The following PHACTR1 variants were observed in gnomAD, a reference collection of about 807,000 sequenced individuals.
PHACTR1 encodes the protein RPEL repeat containing 1.
Under a neutral mutation model 69.2 loss-of-function variants are expected in PHACTR1, and 16 were observed. That is an observed-to-expected ratio of 0.23 (90% CI 0.16 to 0.35). PHACTR1 has a LOEUF of 0.35. Ranked by LOEUF, PHACTR1 falls within the 10% of genes least tolerant of loss-of-function variation. The pLI is 1.00. For missense variants in PHACTR1, 510 were observed against 734.7 expected (o/e 0.69, Z 3.54); for synonymous variants, 312 against 284.5 (o/e 1.10, Z -0.97).
intron 5 of PHACTR1, among the ~76,000 whole-genome samples, chr6:13,154,735 C>T (rs570920959): frequency 1.3e-5 from 2 of 151,896 alleles, no homozygotes; most frequent in African/African-American, 4.8e-5. Flanking sequence ...TTTATCTTAT[C>T]CCTGCCATCC....
chr6:13,132,495 C>T lies in PHACTR1; in HGVS notation c.416-27709C>T, dbSNP rs77067730. Among the ~76,000 whole-genome samples the T allele has an allele frequency of 7.0e-3, 1,061 of 152,224 alleles. 5 individuals carry two copies. The highest frequency in any genetic ancestry group is 0.024 in the African/African-American group (989 of 41,530). On this transcript the variant is annotated intron_variant, in intron 5 of 14. Coordinates refer to ENST00000332995, the MANE Select transcript of PHACTR1 (RefSeq NM_030948.6). The stretch of plus-strand genomic sequence containing the variant: ...CAGATGCTTACTAAGTGTCTATTCA[C>T]GATGTCATGGTTTGTGACATAGTGA...
intron 4 of PHACTR1, among the ~76,000 whole-genome samples, chr6:12,985,427 C>T (rs983697585): frequency 6.6e-6 from 1 of 151,202 alleles, no homozygotes; most frequent in Non-Finnish European, 1.5e-5. Context: ...ATTTTCTTCC[C>T]GATGAAAAAC....
intron 10 of PHACTR1, among the ~76,000 whole-genome samples, chr6:13,257,587 G>C (rs1264116861): frequency 6.6e-6 from 1 of 152,176 alleles, no homozygotes; most frequent in African/African-American, 2.4e-5. Flanking sequence ...ACTCCTCTGG[G>C]ATCTTCTTAC....
chr6:13,148,592 C>G (rs761203990), intron 5 of PHACTR1, among the ~76,000 whole-genome samples: 1 of 151,872 alleles, frequency 6.6e-6, no homozygotes, highest in Non-Finnish European at 1.5e-5. Flanking sequence ...TTCACATATA[C>G]CTACTCAGTT....
At position 13,075,789 on chromosome 6, in the gene PHACTR1, A is replaced by G. The variant is rs912764233; in HGVS notation, c.415+22260A>G. 5.9e-5 allele frequency among the ~76,000 whole-genome samples: 9 copies of G among 152,236 alleles called. No homozygotes were observed. The East Asian group carries it at 1.4e-3, about 23-fold the overall frequency. Reference sequence around the variant, plus strand: ...GCCTGAGCTCCCTGAATACCCCTTAACAGAATGCTTTATAGCTCAAGGTCA... The same window carrying G: ...GCCTGAGCTCCCTGAATACCCCTTAGCAGAATGCTTTATAGCTCAAGGTCA... On this transcript the variant is annotated intron_variant, in intron 5 of 14. Transcript: ENST00000332995.
chr6:12,810,596 C>G (rs1774909341), intron 4 of PHACTR1, among the ~76,000 whole-genome samples: 1 of 152,164 alleles, frequency 6.6e-6, no homozygotes, highest in African/African-American at 2.4e-5. Flanking sequence ...GACAGGGAGG[C>G]TGCTCCACCT....
At chr6:13,286,631 A>G (rs578261975) in intron 14 of PHACTR1, among the ~76,000 whole-genome samples, 1 of 152,348 alleles carries the variant, frequency 6.6e-6, no homozygotes, top group East Asian at 1.9e-4. Flanking sequence ...ATTCCCTGAC[A>G]TTCTCCCTGA....
intron 4 of PHACTR1, among the ~76,000 whole-genome samples, chr6:12,793,858 T>C (rs1450823795): frequency 6.6e-6 from 1 of 152,204 alleles, no homozygotes; most frequent in Non-Finnish European, 1.5e-5. Flanking sequence ...AACTACCCAA[T>C]GGCAGCTAGT....
chr6:12,807,714 G>T (rs1011549841), intron 4 of PHACTR1, among the ~76,000 whole-genome samples: 1 of 152,136 alleles, frequency 6.6e-6, no homozygotes, highest in Non-Finnish European at 1.5e-5. Context: ...ACCTTCCTTT[G>T]TGTCCTTCCT....
intron 4 of PHACTR1, among the ~76,000 whole-genome samples, chr6:12,951,321 A>T (rs1791265075): frequency 6.6e-6 from 1 of 152,236 alleles, no homozygotes; most frequent in Non-Finnish European, 1.5e-5. Context: ...GGAGAGCAGA[A>T]ACAGGCTAGT....
At chr6:12,851,890 A>C (rs1394063400) in intron 4 of PHACTR1, among the ~76,000 whole-genome samples, 1 of 152,118 alleles carries the variant, frequency 6.6e-6, no homozygotes, top group Non-Finnish European at 1.5e-5. Context: ...ACTGGAGTGC[A>C]GTGGTGTGAT....
At chr6:12,779,548 T>C (rs2127640531) in intron 4 of PHACTR1, among the ~76,000 whole-genome samples, 1 of 152,214 alleles carries the variant, frequency 6.6e-6, no homozygotes, top group East Asian at 1.9e-4. Flanking sequence ...AATAAATAAA[T>C]AAATAACACC....
intron 4 of PHACTR1, among the ~76,000 whole-genome samples, chr6:13,052,173 T>G (rs1046216937): frequency 6.6e-6 from 1 of 152,246 alleles, no homozygotes; most frequent in Non-Finnish European, 1.5e-5. Flanking sequence ...CTTTCAGTCC[T>G]GCTGTGGGGA....
At chr6:12,980,387 C>A (rs1220712824) in intron 4 of PHACTR1, among the ~76,000 whole-genome samples, 2 of 152,096 alleles carry the variant, frequency 1.3e-5, no homozygotes, top group Non-Finnish European at 2.9e-5. Flanking sequence ...CCCCGCGTCA[C>A]CCTTCCAGAC....
At chr6:12,788,177 A>C (rs1488103220) in intron 4 of PHACTR1, among the ~76,000 whole-genome samples, 1 of 143,958 alleles carries the variant, frequency 6.9e-6, no homozygotes, top group Non-Finnish European at 1.5e-5. Flanking sequence ...AAAAAAAAAA[A>C]CACCTCAACA....
At chr6:12,725,324 T>C (rs1762640344) in intron 3 of PHACTR1, among the ~76,000 whole-genome samples, 1 of 152,162 alleles carries the variant, frequency 6.6e-6, no homozygotes, top group African/African-American at 2.4e-5. Context: ...CTCCATTAGT[T>C]CAAAATCAGG....
chr6:13,226,046 A>G (rs531576803), intron 8 of PHACTR1, among the ~76,000 whole-genome samples: 47 of 152,306 alleles, frequency 3.1e-4, no homozygotes, highest in African/African-American at 1.1e-3. Flanking sequence ...TTTGTATTCA[A>G]TTAGGTGGGA....
intron 4 of PHACTR1, among the ~76,000 whole-genome samples, chr6:12,855,785 G>A (rs1417585154): frequency 6.6e-6 from 1 of 151,858 alleles, no homozygotes; most frequent in East Asian, 1.9e-4. Context: ...ATGTACCCCC[G>A]AATCTAAAAT....
At chr6:13,218,432 A>G (rs779758842) in intron 8 of PHACTR1, among the ~76,000 whole-genome samples, 3 of 152,234 alleles carry the variant, frequency 2.0e-5, no homozygotes, top group African/African-American at 7.2e-5. Context: ...TCATTCCTGT[A>G]TGAAAGACTG....
Sources: gnomAD v4.1 joint callset for allele counts (sites outside exome capture counted in the v4.1 genomes callset) on GRCh38, gnomAD v4.1.1 for gene constraint, MANE v1.5 for transcripts, NCBI Gene and HGNC (gene_info 2026-07-23, HGNC 2026-07-21) for gene names.